CEP128: variants seen among roughly 807,000 people sequenced by gnomAD.
CEP128 encodes the protein centrosomal protein 128.
CEP128 carries 132 observed loss-of-function variants against 156.7 expected under a neutral mutation model. That is an observed-to-expected ratio of 0.84 (90% CI 0.73 to 0.97). CEP128 has a LOEUF of 0.97. Ranked by LOEUF, CEP128 falls within the 50% of genes least tolerant of loss-of-function variation. CEP128 has a pLI of 0.00. For synonymous variants in CEP128, 469 were observed against 448.9 expected (o/e 1.04, Z -0.57); for missense variants, 1,252 against 1,281.9 (o/e 0.98, Z 0.36).
At chr14:80,939,902 G>A (rs1001448713) in intron 1 of CEP128, among the ~76,000 whole-genome samples, 1 of 152,166 alleles carries the variant, frequency 6.6e-6, no homozygotes, top group African/African-American at 2.4e-5. Context: ...GCTGAATGTG[G>A]TGACCCAATT....
At chr14:80,955,351 TG>T (rs1555366305) in intron 2 of CEP128, 14 of 318,826 alleles carry the variant, frequency 4.4e-5, no homozygotes, top group Middle Eastern at 7.5e-4. Context: ...GCGCCCGGGG[TG>T]GGGGGGCGGG....
intron 8 of CEP128, among the ~76,000 whole-genome samples, chr14:80,886,303 A>C (rs1888795481): frequency 6.6e-6 from 1 of 152,206 alleles, no homozygotes; most frequent in African/African-American, 2.4e-5. Context: ...CTCCTCGAGA[A>C]GAGCAACCCC....
At chr14:80,769,430 C>A (rs1372487809) in intron 16 of CEP128, among the ~76,000 whole-genome samples, 3 of 151,992 alleles carry the variant, frequency 2.0e-5, no homozygotes, top group Non-Finnish European at 4.4e-5. Flanking sequence ...CCTCCCCACT[C>A]CCCCCGCCCC....
At chr14:80,667,790 A>G (rs1332317587) in intron 19 of CEP128, among the ~76,000 whole-genome samples, 1 of 149,214 alleles carries the variant, frequency 6.7e-6, no homozygotes, top group African/African-American at 2.5e-5. Context: ...CCCGGGAGGC[A>G]GAGCTTACAG....
At position 80,714,478 on chromosome 14, in the gene CEP128, T is replaced by C. The variant is rs184720795; in HGVS notation, c.2806+28597A>G. 6.0e-3 allele frequency among the ~76,000 whole-genome samples: 908 copies of C among 152,050 alleles called. 7 individuals carry two copies. Among genetic ancestry groups the C allele is most frequent in the Non-Finnish European group, 9.0e-3 (613 of 68,024 alleles). On this transcript the variant is annotated intron_variant, in intron 19 of 24. Coordinates refer to ENST00000555265, the MANE Select transcript of CEP128 (RefSeq NM_152446.5). The stretch of plus-strand genomic sequence containing the variant: ...AGGTGTGTTTTTGTGTATATGTGAA[T>C]ATACACATGAGTGCATGTATGTGTT...
At chr14:80,789,890 T>C (rs1376849128) in intron 14 of CEP128, among the ~76,000 whole-genome samples, 2 of 152,064 alleles carry the variant, frequency 1.3e-5, no homozygotes, top group Non-Finnish European at 2.9e-5. Context: ...TTGTTTTGTT[T>C]TGTTTTTTAC....
chr14:80,567,551 T>G (rs1016438150), intron 20 of CEP128, among the ~76,000 whole-genome samples: 1 of 152,238 alleles, frequency 6.6e-6, no homozygotes, highest in Admixed American at 6.5e-5. Flanking sequence ...TGAGCTTTCT[T>G]TTCCTTATTT....
intron 8 of CEP128, among the ~76,000 whole-genome samples, chr14:80,871,962 C>A (rs1369182649): frequency 6.6e-6 from 1 of 152,106 alleles, no homozygotes; most frequent in Non-Finnish European, 1.5e-5. Context: ...GCTTCAAAGT[C>A]CACTTAAATA....
intron 23 of CEP128, among the ~76,000 whole-genome samples, chr14:80,520,175 T>C (rs1888670912): frequency 6.6e-6 from 1 of 152,106 alleles, no homozygotes; most frequent in South Asian, 2.1e-4. Context: ...TCCCAGCACT[T>C]TGAGAGGTGG....
chr14:80,591,072 A>G (rs1025952921), intron 19 of CEP128, among the ~76,000 whole-genome samples: 1 of 152,192 alleles, frequency 6.6e-6, no homozygotes, highest in Non-Finnish European at 1.5e-5. Flanking sequence ...AGTAAAGACC[A>G]TCAACACTAG....
intron 19 of CEP128, among the ~76,000 whole-genome samples, chr14:80,721,945 T>C (rs1484674568): frequency 2.6e-5 from 4 of 152,242 alleles, no homozygotes; most frequent in Non-Finnish European, 5.9e-5. Context: ...ATGGGTCACA[T>C]ACTGTGCTAG....
intron 23 of CEP128, among the ~76,000 whole-genome samples, chr14:80,515,908 G>A (rs527655280): frequency 2.2e-3 from 339 of 152,274 alleles, no homozygotes; most frequent in African/African-American, 7.5e-3. Flanking sequence ...CGCTTTTGTT[G>A]CCCAAGCTGG....
In CEP128 at chr14:80,831,214, C is replaced by T; in HGVS notation, c.1138G>A (p.Glu380Lys). The change falls in exon 13 of 25, where the codon GAG becomes AAG. Residue 380 changes from glutamate (E) to lysine (K), a missense_variant. Physicochemically the swap from Glu to Lys is moderately conservative, Grantham distance 56. Transcript: ENST00000555265. ...ATGCACCGTTTCACTTCCTCTAACT[C>T]AGATGCCATTGCGCTGAAGTTCAGC... ...VQLNFSAMAS[E>K]LEEVKRCMER... The T allele has an allele frequency of 6.2e-7, 1 of 1,614,074 alleles. No individual in the cohort carries two copies. The highest frequency in any genetic ancestry group is 8.5e-7 in the Non-Finnish European group (1 of 1,179,948).
intron 19 of CEP128, among the ~76,000 whole-genome samples, chr14:80,695,705 C>T (rs1232495920): frequency 7.2e-6 from 1 of 138,696 alleles, no homozygotes; most frequent in Non-Finnish European, 1.5e-5. Flanking sequence ...CAACAAGAGA[C>T]TCCATCTCAA....
intron 8 of CEP128, among the ~76,000 whole-genome samples, chr14:80,892,974 A>C (rs1889173512): frequency 6.6e-6 from 1 of 151,990 alleles, no homozygotes; most frequent in South Asian, 2.1e-4. Context: ...CCCTCTGCTG[A>C]GCATATACCC....
At chr14:80,504,371 C>T (rs560752247) in intron 24 of CEP128, among the ~76,000 whole-genome samples, 1 of 152,184 alleles carries the variant, frequency 6.6e-6, no homozygotes, top group Non-Finnish European at 1.5e-5. Flanking sequence ...TAAGCTGAAA[C>T]TTGAAGACCA....
chr14:80,749,936 A>C (rs916650092), intron 18 of CEP128, among the ~76,000 whole-genome samples: 1 of 152,206 alleles, frequency 6.6e-6, no homozygotes, highest in African/African-American at 2.4e-5. Context: ...CAGAGGATAA[A>C]ATTTAAAAGA....
intron 21 of CEP128, among the ~76,000 whole-genome samples, chr14:80,551,277 C>T (rs1000314179): frequency 6.6e-6 from 1 of 152,206 alleles, no homozygotes; most frequent in African/African-American, 2.4e-5. Context: ...CAAGATTTAT[C>T]ACGTAACTGT....
chr14:80,922,002 A>G (rs542866663), intron 2 of CEP128, among the ~76,000 whole-genome samples: 4 of 152,280 alleles, frequency 2.6e-5, no homozygotes, highest in African/African-American at 9.6e-5. Flanking sequence ...ATTTTCTACA[A>G]TGATTTGCAT....
Sources: gnomAD v4.1 joint callset for allele counts (sites outside exome capture counted in the v4.1 genomes callset) on GRCh38, gnomAD v4.1.1 for gene constraint, MANE v1.5 for transcripts, NCBI Gene and HGNC (gene_info 2026-07-23, HGNC 2026-07-21) for gene names.